TNNT1: variants seen among roughly 807,000 people sequenced by gnomAD.
The protein encoded by TNNT1 is troponin T1, slow skeletal type.
A neutral mutation model predicts 50.6 loss-of-function variants in TNNT1; 53 were observed. The ratio of observed to expected loss-of-function variants is 1.05; its 90% CI spans 0.84 to 1.32. The LOEUF (loss-of-function observed/expected upper bound fraction) is 1.32. Among genes scored for constraint, TNNT1 ranks in the 40% most tolerant of loss-of-function variants. The pLI, the probability that TNNT1 is intolerant of heterozygous loss-of-function variation, is 0.00. For missense variants in TNNT1, 348 were observed against 381.7 expected (o/e 0.91, Z 0.74); for synonymous variants, 142 against 138.0 (o/e 1.03, Z -0.20).
intron 1 of TNNT1, among the ~76,000 whole-genome samples, chr19:55,148,692 A>C (rs1002119422): frequency 2.0e-5 from 3 of 151,976 alleles, no homozygotes; most frequent in African/African-American, 7.3e-5. Context: ...GATACCCCAG[A>C]TAATGGCACT....
At position 55,133,842 on chromosome 19, in the gene TNNT1, G is replaced by A. The variant is rs374434556; in HGVS notation, c.791+45C>T. ...GAGGGAAAGAGGCCTGAGAGTCAGC[G>A]GGAGGGTAGGGACAAGAGCAAGGGC... On this transcript the variant is annotated intron_variant, in intron 13 of 13. Transcript: ENST00000588981. The A allele has an allele frequency of 2.5e-4, 397 of 1,612,314 alleles. 1 individual carries two copies. The highest frequency in any genetic ancestry group is 3.0e-4 in the Non-Finnish European group (348 of 1,178,742).
Position 55,140,969 on chromosome 19 carries a change from C to A in TNNT1, c.310-9G>T, listed in dbSNP as rs538375627. The A allele has an allele frequency of 5.0e-6, 8 of 1,613,530 alleles. No individual in the cohort carries two copies. Among genetic ancestry groups the A allele is most frequent in the African/African-American group, 2.7e-5 (2 of 74,818 alleles). On this transcript the variant is annotated splice_polypyrimidine_tract_variant and intron_variant, in intron 8 of 13. Coordinates refer to ENST00000588981, the MANE Select transcript of TNNT1 (RefSeq NM_003283.6). ...TCTGACCGGCGCCGCTCCTGGGAAA[C>A]GGAGAAGCATAAGGGGGTGCAGGGA... is the stretch of plus-strand genomic sequence containing the variant.
chr19:55,141,167 A>C lies in TNNT1; in HGVS notation c.309+19T>G. On this transcript the variant is annotated intron_variant, in intron 8 of 13. Coordinates refer to ENST00000588981, the MANE Select transcript of TNNT1 (RefSeq NM_003283.6). ...CATGGAGGGAGGAAGACCGGGGGGA[A>C]CCCGGACTCTCGGCTCACAATGCGC... 3 of 1,598,380 alleles carry C rather than the reference A, an allele frequency of 1.9e-6. No individual in the cohort carries two copies. The highest frequency in any genetic ancestry group is 2.6e-6 in the Non-Finnish European group (3 of 1,165,590).
In TNNT1 at chr19:55,146,526, C is replaced by A. The variant is rs867729409; in HGVS notation, c.74-60G>T. On this transcript the variant is annotated intron_variant, in intron 4 of 13. Coordinates refer to ENST00000588981, the MANE Select transcript of TNNT1 (RefSeq NM_003283.6). ...GGAGCGAGGGGGGAGCGGCCACGCC[C>A]GGGCGCGGGAGGGGAGAGAGGGAAG... 16 of 1,131,688 alleles carry A rather than the reference C, an allele frequency of 1.4e-5. No individual in the cohort carries two copies. In the Middle Eastern group the frequency reaches 2.2e-3, roughly 159 times the overall value. 70.1% of individuals were successfully genotyped at this position (1,131,688 alleles called of 1,614,324 possible). A position where few individuals can be genotyped will look rare whatever the true frequency, so the allele number is the denominator to read the frequency against.
At position 55,132,844 on chromosome 19, in the gene TNNT1, C is replaced by T. The variant is rs1458926058; in HGVS notation, c.*71G>A. ...GAACCCAGCGGGTGTCTGAGGGGAG[C>T]GTTTATTTCAAGCTACCGATGGGAC... is the stretch of plus-strand genomic sequence containing the variant. On this transcript the variant is annotated 3_prime_UTR_variant, in exon 14 of 14. Transcript: ENST00000588981. 15 of 1,430,040 alleles carry T rather than the reference C, an allele frequency of 1.0e-5. No homozygotes were observed. The highest frequency in any genetic ancestry group is 1.7e-4 in the Middle Eastern group (1 of 5,778). 88.6% of individuals were successfully genotyped at this position (1,430,040 alleles called of 1,614,324 possible).
At chr19:55,148,265 C>T (rs1482780570) in intron 1 of TNNT1, among the ~76,000 whole-genome samples, 1 of 151,952 alleles carries the variant, frequency 6.6e-6, no homozygotes, top group Non-Finnish European at 1.5e-5. Context: ...TAGTCACCCG[C>T]ATCCCCTCTC....
At chr19:55,143,258 C>T (rs1188027877) in intron 6 of TNNT1, among the ~76,000 whole-genome samples, 1 of 152,090 alleles carries the variant, frequency 6.6e-6, no homozygotes, top group Admixed American at 6.5e-5. Context: ...CCTCAGCCTC[C>T]CAGAGTGCTG....
At position 55,141,048 on chromosome 19, in the gene TNNT1, G is replaced by C. The variant is rs866430887; in HGVS notation, c.310-88C>G. ...AGGCTAATAAACAGATTGGAGTGTG[G>C]CCACCGACTTGGGTGAATTCGCGAA... On this transcript the variant is annotated intron_variant, in intron 8 of 13. Transcript: ENST00000588981. The C allele has an allele frequency of 2.6e-6, 4 of 1,549,062 alleles. No individual in the cohort carries two copies. The Middle Eastern group carries it at 6.7e-4, about 261-fold the overall frequency.
At chr19:55,146,752 G>C in intron 3 of TNNT1, 45 bp from the exon 4 acceptor site, 1 of 1,441,986 alleles carries the variant, frequency 6.9e-7, no homozygotes, top group South Asian at 1.5e-5. Context: ...AGCTGGGGGA[G>C]GGATGGGGGC....
chr19:55,146,706 C>T lies in TNNT1; in HGVS notation c.48G>A (p.Glu16=), dbSNP rs1300318225. The T allele has an allele frequency of 1.3e-6, 2 of 1,507,364 alleles. No individual in the cohort carries two copies. Among genetic ancestry groups the T allele is most frequent in the African/African-American group, 1.4e-5 (1 of 72,510 alleles). 93.4% of individuals were successfully genotyped at this position (1,507,364 alleles called of 1,614,324 possible). A position where few individuals can be genotyped will look rare whatever the true frequency, so the allele number is the denominator to read the frequency against. Residue 16 remains glutamate (E), a splice_region_variant and synonymous_variant, in exon 4 of 14, where the codon GAG becomes GAA. Transcript: ENST00000588981. ...CTTCCTCCTCCTCCTCCGCAGCCTCCTCTGGAGATGGGGGCACAGAAGAGA... is the reference window on the plus strand; with the variant it reads ...CTTCCTCCTCCTCCTCCGCAGCCTCTTCTGGAGATGGGGGCACAGAAGAGA... ...EQEYEEEQPE[E]EAAEEEEEAP...
rs752253249 is a variant in TNNT1 at position 55,141,224 on chromosome 19, T to C, written c.271A>G (p.Lys91Glu). 4 of 1,614,224 alleles carry C rather than the reference T, an allele frequency of 2.5e-6. No individual in the cohort carries two copies. Among genetic ancestry groups the C allele is most frequent in the Non-Finnish European group, 3.4e-6 (4 of 1,180,028 alleles). The change falls in exon 8 of 14, where the codon AAG becomes GAG. Residue 91 changes from lysine (K) to glutamate (E), a missense_variant. Around this residue, in one of 3 missense-constraint regions of TNNT1, gnomAD observed 253 missense variants for 291.8 expected, o/e 0.87. Coordinates refer to ENST00000588981, the MANE Select transcript of TNNT1 (RefSeq NM_003283.6). Reference protein sequence around the residue: ...LIDVHFEQRKKEEEELVALKE... With the variant: ...LIDVHFEQRKEEEEELVALKE... ...AAGGCAACCAGCTCCTCTTCCTCCT[T>C]CTTCCGCTGCTCGAAATGTACATCG...
At chr19:55,149,103 G>C in intron 1 of TNNT1, 58 bp downstream of exon 1, 1 of 454,618 alleles carries the variant, frequency 2.2e-6, no homozygotes, top group South Asian at 1.6e-5. Flanking sequence ...CCTGCCTCCT[G>C]CCCCCTCCCC....
chr19:55,143,738 T>G (rs985808939), intron 6 of TNNT1, among the ~76,000 whole-genome samples: 1 of 152,084 alleles, frequency 6.6e-6, no homozygotes, highest in African/African-American at 2.4e-5. Context: ...TTTTCCCTTT[T>G]CTCATCATCA....
intron 10 of TNNT1, 117 bp downstream of exon 10, chr19:55,137,844 C>T (rs2085381290): frequency 7.6e-7 from 1 of 1,311,840 alleles, no homozygotes; most frequent in African/African-American, 1.5e-5. Context: ...CCCAGCCCCT[C>T]CTCCCTCAGA....
Position 55,147,177 on chromosome 19 carries a change from C to CAG in TNNT1, c.-11-11_-11-10dup. The stretch of plus-strand genomic sequence containing the variant: ...CGACATCCTGGTGCGGCCTAAGGAC[C>CAG]AGAGAGAAGAGGCCCAGTGGGGTGG... On this transcript the variant is annotated splice_polypyrimidine_tract_variant and intron_variant, in intron 1 of 13. Coordinates refer to ENST00000588981, the MANE Select transcript of TNNT1 (RefSeq NM_003283.6). 1.2e-6 allele frequency: 2 copies of CAG among 1,612,968 alleles called. No homozygotes were observed. Among genetic ancestry groups the CAG allele is most frequent in the Middle Eastern group, 1.7e-4 (1 of 6,058 alleles).
intron 9 of TNNT1, among the ~76,000 whole-genome samples, chr19:55,140,384 C>T (rs1488640283): frequency 1.3e-5 from 2 of 151,602 alleles, no homozygotes; most frequent in African/African-American, 4.8e-5. Flanking sequence ...GTGGGAAAAT[C>T]ATTTGAGCCC....
At chr19:55,146,225 A>C (rs1039561342) in intron 5 of TNNT1, among the ~76,000 whole-genome samples, 1 of 151,268 alleles carries the variant, frequency 6.6e-6, no homozygotes, top group African/African-American at 2.4e-5. Context: ...TTAAGAAGGA[A>C]GGGAAAGGGT....
At chr19:55,141,486 G>T (rs902416230) in intron 7 of TNNT1, among the ~76,000 whole-genome samples, 184 bp from the exon 8 acceptor site, 2 of 151,990 alleles carry the variant, frequency 1.3e-5, no homozygotes, top group Non-Finnish European at 2.9e-5. Context: ...AGACGGGAGT[G>T]GGGAGTGGGG....
intron 11 of TNNT1, among the ~76,000 whole-genome samples, chr19:55,135,808 G>A (rs1180559249): frequency 2.0e-5 from 3 of 151,596 alleles, no homozygotes; most frequent in East Asian, 2.0e-4. Flanking sequence ...GGTGTGAGCC[G>A]CCGCGCCCGC....
Sources: gnomAD v4.1 joint callset for allele counts (sites outside exome capture counted in the v4.1 genomes callset) on GRCh38, gnomAD v4.1.1 for gene constraint, gnomAD v4.1.1 regional missense constraint, MANE v1.5 for transcripts, NCBI Gene and HGNC (gene_info 2026-07-23, HGNC 2026-07-21) for gene names.